The following ITGA1 variants were observed in gnomAD, a reference collection of about 807,000 sequenced individuals.
ITGA1 encodes integrin alpha-1.
ITGA1 carries 85 observed loss-of-function variants against 145.9 expected under a neutral mutation model. The observed-to-expected ratio is 0.58, with a 90% CI of 0.49 to 0.70. ITGA1 has a LOEUF of 0.70. Ranked by LOEUF, ITGA1 falls within the 30% of genes least tolerant of loss-of-function variation. ITGA1 has a pLI of 0.00. For missense variants in ITGA1, 1,351 were observed against 1,418.7 expected (o/e 0.95, Z 0.77); for synonymous variants, 520 against 495.3 (o/e 1.05, Z -0.66).
intron 11 of ITGA1, among the ~76,000 whole-genome samples, chr5:52,901,277 T>TC (rs1750310207): frequency 6.6e-6 from 1 of 152,122 alleles, no homozygotes; most frequent in South Asian, 2.1e-4. Context: ...AAACCGATTC[T>TC]CCTTGATAGG....
intron 26 of ITGA1, among the ~76,000 whole-genome samples, chr5:52,943,316 T>C (rs1310950105): frequency 6.6e-6 from 1 of 152,224 alleles, no homozygotes; most frequent in Admixed American, 6.5e-5. Context: ...GTTCTTCAAC[T>C]GTGGTGTAAG....
chr5:52,939,719 C>A, intron 25 of ITGA1, 28 bp downstream of exon 25: 1 of 1,540,222 alleles, frequency 6.5e-7, no homozygotes, highest in Non-Finnish European at 9.0e-7. Context: ...CTATTTTTAC[C>A]TTTTGCTTTC....
rs1218300305 is a variant in ITGA1, at chr5:52,843,350, AC to A, written c.62-6014del. Among the ~76,000 whole-genome samples, 5 of 152,216 alleles carry A rather than the reference AC, an allele frequency of 3.3e-5. 1 individual carries two copies. Among genetic ancestry groups the A allele is most frequent in the Non-Finnish European group, 1.5e-5 (1 of 68,036 alleles). ...TGAAATAAAGCAATAGCATTTTAAT[AC>A]ATTCCCTTGTCACCATTTATTTGAT... On this transcript the variant is annotated intron_variant, in intron 1 of 28. Transcript: ENST00000282588.
At chr5:52,843,656 G>A (rs1410287764) in intron 1 of ITGA1, among the ~76,000 whole-genome samples, 1 of 152,148 alleles carries the variant, frequency 6.6e-6, no homozygotes, top group African/African-American at 2.4e-5. Flanking sequence ...GCTACAAGAT[G>A]ATTAAGAGCC....
rs149861705 is a variant in ITGA1 at position 52,793,241 on chromosome 5, C to G, written c.61+4827C>G. On this transcript the variant is annotated intron_variant, in intron 1 of 28. Transcript: ENST00000282588. ...GTGAGGGTAGGATCTTTAACCATAA[C>G]ACCTAGAAATAATAGGCACTTTTTA... is the stretch of plus-strand genomic sequence containing the variant. 5.0e-3 allele frequency among the ~76,000 whole-genome samples: 757 copies of G among 152,180 alleles called. 4 individuals carry two copies. Among genetic ancestry groups the G allele is most frequent in the African/African-American group, 0.017 (694 of 41,540 alleles).
Position 52,953,082 on chromosome 5 carries a change from T to C in ITGA1, c.*631T>C, listed in dbSNP as rs1032535525. 2 of 152,170 alleles carry C rather than the reference T, an allele frequency of 1.3e-5. No individual in the cohort carries two copies. Among genetic ancestry groups the C allele is most frequent in the African/African-American group, 2.4e-5 (1 of 41,426 alleles). 9.4% of individuals were successfully genotyped at this position (152,170 alleles called of 1,614,324 possible). On this transcript the variant is annotated 3_prime_UTR_variant, in exon 29 of 29. Transcript: ENST00000282588. Reference sequence around the variant, plus strand: ...GGAAAGTACTGCAATTGAGCTAAAATTTTATCTAGGATGGAAAATCAGGAT... The same window carrying C: ...GGAAAGTACTGCAATTGAGCTAAAACTTTATCTAGGATGGAAAATCAGGAT...
chr5:52,879,803 C>G (rs1045407395), intron 6 of ITGA1, among the ~76,000 whole-genome samples: 2 of 152,090 alleles, frequency 1.3e-5, no homozygotes, highest in African/African-American at 4.8e-5. Flanking sequence ...AAGATAAACT[C>G]ACAGAACAAG....
In ITGA1 at chr5:52,821,086, G is replaced by A. The variant is rs10060904; in HGVS notation, c.62-28279G>A. ...GAAACAATTATGTATTCTGACAACAGCTAGCACAGATTTATCTATTTAATA... is the reference window on the plus strand; with the variant it reads ...GAAACAATTATGTATTCTGACAACAACTAGCACAGATTTATCTATTTAATA... On this transcript the variant is annotated intron_variant, in intron 1 of 28. Transcript: ENST00000282588. 6.7e-3 allele frequency among the ~76,000 whole-genome samples: 1,018 copies of A among 152,286 alleles called. 12 individuals carry two copies. Among genetic ancestry groups the A allele is most frequent in the African/African-American group, 0.023 (968 of 41,570 alleles).
At position 52,907,018 on chromosome 5, in the gene ITGA1, GTCATCT is replaced by G. The variant is rs1338031358; in HGVS notation, c.1455+1116_1455+1121del. On this transcript the variant is annotated intron_variant, in intron 12 of 28. Transcript: ENST00000282588. ...CTGCACTCTGGGAAGTCAAAAATAT[GTCATCT>G]TCATCAGGTACTTATAATTCATTTA... Among the ~76,000 whole-genome samples, 11 of 152,322 alleles carry G rather than the reference GTCATCT, an allele frequency of 7.2e-5. No homozygotes were observed. In the East Asian group the frequency reaches 1.9e-3, roughly 27 times the overall value.
chr5:52,864,486 G>A (rs767929739), intron 3 of ITGA1, among the ~76,000 whole-genome samples: 2 of 152,128 alleles, frequency 1.3e-5, no homozygotes, highest in East Asian at 1.9e-4. Flanking sequence ...TAGCAAGAAC[G>A]TGCAAAAAGC....
intron 1 of ITGA1, among the ~76,000 whole-genome samples, chr5:52,845,917 G>T (rs964122920): frequency 6.6e-6 from 1 of 152,178 alleles, no homozygotes; most frequent in Admixed American, 6.5e-5. Flanking sequence ...CTACAGTCAT[G>T]CATCACCTAG....
chr5:52,805,849 C>A (rs1748580889), intron 1 of ITGA1, among the ~76,000 whole-genome samples: 1 of 152,056 alleles, frequency 6.6e-6, no homozygotes, highest in African/African-American at 2.4e-5. Context: ...TGAACTGTGG[C>A]ATCAATTTTG....
At chr5:52,895,385 G>A (rs1410211387) in intron 9 of ITGA1, among the ~76,000 whole-genome samples, 4 of 152,038 alleles carry the variant, frequency 2.6e-5, no homozygotes, top group South Asian at 2.1e-4. Context: ...CAGCTCTCCC[G>A]GTGTCATTTA....
chr5:52,835,088 C>G (rs1580054158), intron 1 of ITGA1, among the ~76,000 whole-genome samples: 1 of 151,944 alleles, frequency 6.6e-6, no homozygotes, highest in East Asian at 1.9e-4. Context: ...TTTTTTGGGC[C>G]AGTATTTAGT....
chr5:52,840,508 C>T (rs1407309796), intron 1 of ITGA1, among the ~76,000 whole-genome samples: 3 of 151,996 alleles, frequency 2.0e-5, no homozygotes, highest in East Asian at 1.9e-4. Flanking sequence ...AACATAGATC[C>T]GAAAGATGAT....
chr5:52,821,794 A>G (rs1748883551), intron 1 of ITGA1, among the ~76,000 whole-genome samples: 1 of 152,188 alleles, frequency 6.6e-6, no homozygotes, highest in Non-Finnish European at 1.5e-5. Context: ...TTTAGTATAG[A>G]ATTTATTAGG....
chr5:52,917,791 G>C (rs1750669720), intron 15 of ITGA1, among the ~76,000 whole-genome samples: 1 of 152,168 alleles, frequency 6.6e-6, no homozygotes. Context: ...CTGAGTGGTA[G>C]TATAACAAGT....
intron 2 of ITGA1, among the ~76,000 whole-genome samples, chr5:52,855,106 T>C (rs1413705655): frequency 6.6e-6 from 1 of 152,208 alleles, no homozygotes; most frequent in Non-Finnish European, 1.5e-5. Context: ...CGGATATCAT[T>C]GTTATCATCT....
intron 1 of ITGA1, among the ~76,000 whole-genome samples, chr5:52,818,284 T>A (rs1239607580): frequency 6.6e-6 from 1 of 152,188 alleles, no homozygotes; most frequent in African/African-American, 2.4e-5. Flanking sequence ...GAGTTGCTGG[T>A]GTGTAAATCA....
Sources: gnomAD v4.1 joint callset for allele counts (sites outside exome capture counted in the v4.1 genomes callset) on GRCh38, gnomAD v4.1.1 for gene constraint, MANE v1.5 for transcripts, NCBI Gene and HGNC (gene_info 2026-07-23, HGNC 2026-07-21) for gene names.